Variants in GRID2IP observed in about 807,000 individuals in gnomAD.
The protein encoded by GRID2IP is Grid2 interacting protein.
Under a neutral mutation model 114.3 loss-of-function variants are expected in GRID2IP, and 78 were observed. The observed-to-expected ratio is 0.68, with a 90% CI of 0.57 to 0.82. GRID2IP has a LOEUF of 0.82. Ranked by LOEUF, GRID2IP falls within the 40% of genes least tolerant of loss-of-function variation. GRID2IP has a pLI of 0.00. For missense variants in GRID2IP, 1,727 were observed against 1,678.5 expected (o/e 1.03, Z -0.51); for synonymous variants, 809 against 724.0 (o/e 1.12, Z -1.89).
Position 6,509,119 on chromosome 7 carries a change from G to T in GRID2IP, c.1966C>A (p.Pro656Thr). ...GPICPDSPPS[P>T]DPTRPPSRRK... ...CGGCTGGGCGGGCGGGTGGGGTCCG[G>T]GCTTGGGGGGCTGTCGGGGCAGATG... is the stretch of plus-strand genomic sequence containing the variant. Residue 656 changes from proline (P) to threonine (T), a missense_variant, in exon 12 of 22, where the codon CCG becomes ACG. By Grantham distance (38) the Pro-to-Thr change is conservative (BLOSUM62 -1). Transcript: ENST00000457091. This position sits in a 1 kb window ranked among gnomAD's most constrained non-coding sequence, Gnocchi z 4.9. 6.8e-7 allele frequency: 1 copy of T among 1,477,168 alleles called. No individual in the cohort carries two copies. Among genetic ancestry groups the T allele is most frequent in the Non-Finnish European group, 9.0e-7 (1 of 1,113,880 alleles). The allele number at this position is 1,477,168 out of a possible 1,614,324, so 91.5% of individuals were successfully genotyped here. A position where few individuals can be genotyped will look rare whatever the true frequency, so the allele number is the denominator to read the frequency against.
At chr7:6,504,118 G>A (rs1786502834) in intron 15 of GRID2IP, among the ~76,000 whole-genome samples, 1 of 151,218 alleles carries the variant, frequency 6.6e-6, no homozygotes, top group Non-Finnish European at 1.5e-5. Context: ...AACTCTAGAG[G>A]GGTGGGGGTC....
chr7:6,520,820 G>C lies in GRID2IP; in HGVS notation c.1085-59C>G. 6.8e-7 allele frequency: 1 copy of C among 1,479,698 alleles called. No individual in the cohort carries two copies. 91.7% of individuals were successfully genotyped at this position (1,479,698 alleles called of 1,614,324 possible). ...ACTCAGAGTCCCCAGGCCAGGTGTA[G>C]TCTCCCTGGCTTTTGAGGTCAGGAG... On this transcript the variant is annotated intron_variant, in intron 6 of 21. Transcript: ENST00000457091. This position sits in a 1 kb window ranked among gnomAD's most constrained non-coding sequence, Gnocchi z 4.6.
chr7:6,510,596 G>C lies in GRID2IP; in HGVS notation c.1653+13C>G, dbSNP rs780817034. The C allele has an allele frequency of 5.9e-6, 9 of 1,523,642 alleles. No homozygotes were observed. The Admixed American group carries it at 6.7e-5, about 11-fold the overall frequency. 94.4% of individuals were successfully genotyped at this position (1,523,642 alleles called of 1,614,324 possible). A position where few individuals can be genotyped will look rare whatever the true frequency, so the allele number is the denominator to read the frequency against. ...CCCTACTGACCCCACGTGGAGGGCA[G>C]AGAAGGTCTCACCATCTTGGGGTTG... On this transcript the variant is annotated intron_variant, in intron 10 of 21. Coordinates refer to ENST00000457091, the MANE Select transcript of GRID2IP (RefSeq NM_001145118.2).
intron 20 of GRID2IP, among the ~76,000 whole-genome samples, chr7:6,500,321 G>A (rs573343483): frequency 3.7e-4 from 57 of 152,108 alleles, no homozygotes; most frequent in African/African-American, 1.2e-3. Flanking sequence ...AAAATTAGCC[G>A]GTTGTGGTGG....
intron 18 of GRID2IP, 40 bp from the exon 19 acceptor site, chr7:6,502,158 C>A: frequency 6.5e-7 from 1 of 1,544,518 alleles, no homozygotes; most frequent in South Asian, 1.2e-5. Context: ...TCAAGGACCC[C>A]ATCAGATGGG....
rs1237876685 is a variant in GRID2IP, at chr7:6,508,265, C to T, written c.2264G>A (p.Ser755Asn). 3.6e-5 allele frequency: 25 copies of T among 686,214 alleles called. No individual in the cohort carries two copies. The Admixed American group carries it at 1.1e-3, about 30-fold the overall frequency. 42.5% of individuals were successfully genotyped at this position (686,214 alleles called of 1,614,324 possible). A position where few individuals can be genotyped will look rare whatever the true frequency, so the allele number is the denominator to read the frequency against. ...ISDHIPPPPL[S>N]PPPPPPLPFH... ...AGGCAGGGGTGGCGGTGGTGGGGGGCTGAGCGGGGGTGGGGGGATGTGGTC... is the reference window on the plus strand; with the variant it reads ...AGGCAGGGGTGGCGGTGGTGGGGGGTTGAGCGGGGGTGGGGGGATGTGGTC... Residue 755 changes from serine to asparagine, a missense_variant, in exon 13 of 22, where the codon AGC (serine) becomes AAC (asparagine). Physicochemically the swap from Ser to Asn is conservative, Grantham distance 46. Transcript: ENST00000457091. The surrounding 1 kb of genome is among the most constrained non-coding windows in gnomAD (Gnocchi z 5.6).
In GRID2IP at chr7:6,526,123, A is replaced by G. The variant is rs1282027422; in HGVS notation, c.919+101T>C. ...ACCTGACGTGGAGGGGTTGCTGAGC[A>G]GGAGCCTACATGGGGTACAATGACC... On this transcript the variant is annotated intron_variant, in intron 4 of 21. Transcript: ENST00000457091. The surrounding 1 kb of genome is among the most constrained non-coding windows in gnomAD (Gnocchi z 7.6). 1.1e-6 allele frequency: 1 copy of G among 870,364 alleles called. No individual in the cohort carries two copies. Among genetic ancestry groups the G allele is most frequent in the Admixed American group, 2.0e-5 (1 of 49,424 alleles). 53.9% of individuals were successfully genotyped at this position (870,364 alleles called of 1,614,324 possible).
intron 2 of GRID2IP, among the ~76,000 whole-genome samples, chr7:6,530,390 A>G (rs1779594697): frequency 6.6e-6 from 1 of 151,752 alleles, no homozygotes; most frequent in South Asian, 2.1e-4. Context: ...CAGCCTCTCG[A>G]GTATCTGGGG....
At chr7:6,517,769 G>C (rs1053482740) in intron 7 of GRID2IP, among the ~76,000 whole-genome samples, 22 of 152,048 alleles carry the variant, frequency 1.4e-4, no homozygotes, top group African/African-American at 4.8e-4. Flanking sequence ...CAGGCATGGT[G>C]GTGGGCGCCT....
At chr7:6,522,003 C>T (rs1364255604) in intron 4 of GRID2IP, 46 bp from the exon 5 acceptor site, 3 of 1,435,254 alleles carry the variant, frequency 2.1e-6, no homozygotes, top group African/African-American at 2.8e-5. Context: ...GGCAGGGTAC[C>T]ACTTTGAGAG....
chr7:6,504,766 A>C, intron 15 of GRID2IP, 27 bp downstream of exon 15: 1 of 1,537,412 alleles, frequency 6.5e-7, no homozygotes, highest in Non-Finnish European at 8.8e-7. Flanking sequence ...TGCCCCCTAC[A>C]CCCCCTGGGG....
chr7:6,521,956 C>G lies in GRID2IP; in HGVS notation c.921G>C (p.Gly307=). 3 of 1,551,052 alleles carry G rather than the reference C, an allele frequency of 1.9e-6. No individual in the cohort carries two copies. Among genetic ancestry groups the G allele is most frequent in the Non-Finnish European group, 2.6e-6 (3 of 1,146,596 alleles). ...GPVWIESVLP[G]SPADNAALKS... ...TGAGGGCAGCATTGTCAGCTGGGCT[C>G]CCTGGAAGCAAGAAGAGAGGGTGTG... is the stretch of plus-strand genomic sequence containing the variant. Residue 307 remains glycine, a splice_region_variant and synonymous_variant, in exon 5 of 22, where the codon GGG becomes GGC. Transcript: ENST00000457091. This position sits in a 1 kb window ranked among gnomAD's most constrained non-coding sequence, Gnocchi z 4.1.
chr7:6,527,945 A>G (rs1448776871), intron 2 of GRID2IP, among the ~76,000 whole-genome samples: 3 of 152,028 alleles, frequency 2.0e-5, no homozygotes, highest in Non-Finnish European at 4.4e-5. Flanking sequence ...TTTAGTAGAG[A>G]TGGGGTTTCA....
chr7:6,525,178 G>C (rs1020618318), intron 4 of GRID2IP, among the ~76,000 whole-genome samples: 2 of 151,876 alleles, frequency 1.3e-5, no homozygotes, highest in African/African-American at 2.4e-5. Context: ...GTGGTGGCAG[G>C]CGCCTGTAAT....
intron 2 of GRID2IP, among the ~76,000 whole-genome samples, chr7:6,527,114 C>G (rs1779530481): frequency 6.6e-6 from 1 of 152,082 alleles, no homozygotes; most frequent in Non-Finnish European, 1.5e-5. Flanking sequence ...CCCCCACTCC[C>G]TCTGCACCCG....
At position 6,520,508 on chromosome 7, in the gene GRID2IP, G is replaced by A. The variant is rs2115071645; in HGVS notation, c.1268+70C>T. Reference sequence around the variant, plus strand: ...CTGAGGAGGTTCAGGCAGGGAGACTGGGATGTGAGTCTAGGCAGGACTTAG... The same window carrying A: ...CTGAGGAGGTTCAGGCAGGGAGACTAGGATGTGAGTCTAGGCAGGACTTAG... On this transcript the variant is annotated intron_variant, in intron 7 of 21. Coordinates refer to ENST00000457091, the MANE Select transcript of GRID2IP (RefSeq NM_001145118.2). This position sits in a 1 kb window ranked among gnomAD's most constrained non-coding sequence, Gnocchi z 4.6. 1.4e-6 allele frequency: 2 copies of A among 1,437,258 alleles called. No individual in the cohort carries two copies. The highest frequency in any genetic ancestry group is 1.9e-6 in the Non-Finnish European group (2 of 1,061,732). The allele number at this position is 1,437,258 out of a possible 1,614,324, so 89.0% of individuals were successfully genotyped here. A position where few individuals can be genotyped will look rare whatever the true frequency, so the allele number is the denominator to read the frequency against.
chr7:6,497,750 G>T lies in GRID2IP; in HGVS notation c.*24C>A, dbSNP rs767618302. 1 of 1,532,830 alleles carries T rather than the reference G, an allele frequency of 6.5e-7. No individual in the cohort carries two copies. The highest frequency in any genetic ancestry group is 1.2e-5 in the South Asian group (1 of 83,342). The allele number at this position is 1,532,830 out of a possible 1,614,324, so 95.0% of individuals were successfully genotyped here. ...CGGCCTCCATCTCCCTGCTCAGGCC[G>T]CAGAGGACGCGGTGTGGCCACTGTC... On this transcript the variant is annotated 3_prime_UTR_variant, in exon 22 of 22. Coordinates refer to ENST00000457091, the MANE Select transcript of GRID2IP (RefSeq NM_001145118.2).
intron 4 of GRID2IP, among the ~76,000 whole-genome samples, chr7:6,524,469 C>A (rs973703775): frequency 6.6e-6 from 1 of 152,164 alleles, no homozygotes; most frequent in African/African-American, 2.4e-5. Flanking sequence ...CTACAAACAC[C>A]TTCCACAATG....
intron 7 of GRID2IP, 111 bp from the exon 8 acceptor site, chr7:6,514,640 CTAT>C: frequency 1.1e-6 from 1 of 942,454 alleles, no homozygotes; most frequent in Non-Finnish European, 1.5e-6. Flanking sequence ...CCCTCATGCC[CTAT>C]CCCTACCCTT....
Sources: gnomAD v4.1 joint callset for allele counts (sites outside exome capture counted in the v4.1 genomes callset) on GRCh38, gnomAD v4.1.1 for gene constraint, Gnocchi (gnomAD v3.1) non-coding constraint, MANE v1.5 for transcripts, NCBI Gene and HGNC (gene_info 2026-07-23, HGNC 2026-07-21) for gene names.